PAK1: variants seen among roughly 807,000 people sequenced by gnomAD.
The protein encoded by PAK1 is p21 (RAC1) activated kinase 1.
In PAK1, 29 loss-of-function variants were observed where a neutral mutation model predicts 67.4. That is an observed-to-expected ratio of 0.43 (90% CI 0.32 to 0.59). The LOEUF (loss-of-function observed/expected upper bound fraction) is 0.59. Ranked by LOEUF, PAK1 falls within the 20% of genes least tolerant of loss-of-function variation. The pLI is 0.07. For missense variants in PAK1, 337 were observed against 670.7 expected (o/e 0.50, Z 5.50); for synonymous variants, 223 against 237.4 (o/e 0.94, Z 0.56).
At chr11:77,517,581 G>A in the PAK1 span, among the ~76,000 whole-genome samples, 1 of 152,164 alleles carries the variant, frequency 6.6e-6, no homozygotes, top group East Asian at 1.9e-4. Flanking sequence ...CATGGAAGAC[G>A]ATGTTTCCAC....
At chr11:77,435,255 A>G (rs557662840) in intron 1 of PAK1, among the ~76,000 whole-genome samples, 1 of 152,320 alleles carries the variant, frequency 6.6e-6, no homozygotes, top group African/African-American at 2.4e-5. Context: ...ATACACACAT[A>G]CACAACTATG....
At chr11:77,430,803 A>G (rs1169454028) in intron 1 of PAK1, among the ~76,000 whole-genome samples, 2 of 152,188 alleles carry the variant, frequency 1.3e-5, no homozygotes, top group African/African-American at 4.8e-5. Context: ...AAGTGCCAGA[A>G]ACACAGTAGG....
chr11:77,446,188 T>C (rs1356535332), intron 1 of PAK1, among the ~76,000 whole-genome samples: 1 of 152,194 alleles, frequency 6.6e-6, no homozygotes, highest in Non-Finnish European at 1.5e-5. Flanking sequence ...GTCTCTATGC[T>C]AGGCTGTGCT....
At chr11:77,440,388 GAAC>G (rs1269010474) in intron 1 of PAK1, among the ~76,000 whole-genome samples, 1 of 151,944 alleles carries the variant, frequency 6.6e-6, no homozygotes, top group East Asian at 1.9e-4. Context: ...AAAAAATAAA[GAAC>G]AAAAATAATA....
Position 77,452,381 on chromosome 11 carries a change from G to A in PAK1, c.-22+21171C>T, listed in dbSNP as rs564552298. Among the ~76,000 whole-genome samples the A allele has an allele frequency of 3.3e-5, 5 of 152,274 alleles. No homozygotes were observed. The East Asian group carries it at 9.6e-4, about 29-fold the overall frequency. Reference sequence around the variant, plus strand: ...ATTCCTCTTACACTTGCCTTGCAGAGAGGTGTAGTAAAAATATACTTAATA... The same window carrying A: ...ATTCCTCTTACACTTGCCTTGCAGAAAGGTGTAGTAAAAATATACTTAATA... On this transcript the variant is annotated intron_variant, in intron 1 of 14. Coordinates refer to ENST00000356341, the MANE Select transcript of PAK1 (RefSeq NM_002576.5).
At chr11:77,344,993 G>C (rs1565594989) in intron 9 of PAK1, among the ~76,000 whole-genome samples, 2 of 151,970 alleles carry the variant, frequency 1.3e-5, no homozygotes, top group South Asian at 2.1e-4. Context: ...TCTTCATCTG[G>C]AACAGCCTGT....
intron 1 of PAK1, among the ~76,000 whole-genome samples, chr11:77,470,886 T>C (rs1386048372): frequency 1.3e-5 from 2 of 152,208 alleles, no homozygotes; most frequent in Non-Finnish European, 2.9e-5. Context: ...CTAAAAATTC[T>C]TGCAGGCTTT....
chr11:77,476,912 G>A (rs1026682158), upstream of PAK1: 1 of 152,148 alleles, frequency 6.6e-6, no homozygotes, highest in African/African-American at 2.4e-5. Flanking sequence ...GAATCCAGGA[G>A]GTAAAGATGC....
intron 14 of PAK1, among the ~76,000 whole-genome samples, chr11:77,332,138 T>C (rs1941691833): frequency 6.6e-6 from 1 of 150,690 alleles, no homozygotes; most frequent in African/African-American, 2.4e-5. Context: ...ACCCCGTCTC[T>C]ACAAAAAAGT....
chr11:77,468,397 C>T (rs181897671), intron 1 of PAK1, among the ~76,000 whole-genome samples: 20 of 152,282 alleles, frequency 1.3e-4, no homozygotes, highest in Middle Eastern at 3.4e-3. Context: ...CTAGCATATA[C>T]ATGACTTTCC....
In PAK1 at chr11:77,404,133, C is replaced by T. The variant is rs556236241; in HGVS notation, c.-21-11592G>A. Among the ~76,000 whole-genome samples the T allele has an allele frequency of 1.6e-4, 24 of 152,242 alleles. No homozygotes were observed. The South Asian group carries it at 4.6e-3, about 29-fold the overall frequency. On this transcript the variant is annotated intron_variant, in intron 1 of 14. Transcript: ENST00000356341. ...TATGTTTCTTTTCTTTAGAAATTAC[C>T]TAGTCTGTCGTATTCTATCATAGCA...
intron 1 of PAK1, among the ~76,000 whole-genome samples, chr11:77,404,141 T>C (rs1476871898): frequency 6.6e-6 from 1 of 152,188 alleles, no homozygotes; most frequent in Non-Finnish European, 1.5e-5. Flanking sequence ...ACCTAGTCTG[T>C]CGTATTCTAT....
At chr11:77,381,449 C>T (rs1949823700) in intron 2 of PAK1, among the ~76,000 whole-genome samples, 1 of 152,222 alleles carries the variant, frequency 6.6e-6, no homozygotes, top group South Asian at 2.1e-4. Flanking sequence ...TGGGAGCAGA[C>T]TTGCCTACAA....
chr11:77,397,749 A>G (rs1475134704), intron 1 of PAK1, among the ~76,000 whole-genome samples: 1 of 152,222 alleles, frequency 6.6e-6, no homozygotes, highest in Non-Finnish European at 1.5e-5. Context: ...AACCAAGTTA[A>G]TCAACTATTT....
At position 77,454,864 on chromosome 11, in the gene PAK1, C is replaced by T. The variant is rs527243553; in HGVS notation, c.-22+18688G>A. ...AGATTTAGGTTTACTCAATCAGTAC[C>T]TGGCATGTCCCTAGAAATTCTTGTA... On this transcript the variant is annotated intron_variant, in intron 1 of 14. Transcript: ENST00000356341. 7.2e-5 allele frequency among the ~76,000 whole-genome samples: 11 copies of T among 152,288 alleles called. No individual in the cohort carries two copies. The South Asian group carries it at 2.3e-3, about 32-fold the overall frequency.
At chr11:77,387,498 C>T (rs772907808) in intron 2 of PAK1, among the ~76,000 whole-genome samples, 7 of 152,210 alleles carry the variant, frequency 4.6e-5, no homozygotes, top group Non-Finnish European at 8.8e-5. Flanking sequence ...ACTCAGCTCT[C>T]CCACTTTCCA....
At chr11:77,329,811 G>A (rs545889072) in intron 14 of PAK1, among the ~76,000 whole-genome samples, 20 of 152,228 alleles carry the variant, frequency 1.3e-4, no homozygotes, top group African/African-American at 4.8e-4. Flanking sequence ...AGGAAATAAA[G>A]GGCATTCAAT....
intron 1 of PAK1, among the ~76,000 whole-genome samples, chr11:77,428,797 A>G (rs1282321856): frequency 6.6e-6 from 1 of 151,772 alleles, no homozygotes; most frequent in African/African-American, 2.4e-5. Context: ...CCGTATCAGG[A>G]GAGAGGGGTG....
intron 1 of PAK1, 106 bp from the exon 2 acceptor site, chr11:77,392,647 G>A: frequency 1.2e-6 from 1 of 817,314 alleles, no homozygotes; most frequent in Non-Finnish European, 1.9e-6. Context: ...CCTTCCTTCA[G>A]GGTCTAGCTC....
Sources: allele counts gnomAD v4.1 joint callset (sites outside exome capture counted in the v4.1 genomes callset), GRCh38; gene constraint gnomAD v4.1.1; transcripts MANE v1.5; gene names NCBI Gene and HGNC (gene_info 2026-07-23, HGNC 2026-07-21).